The following XIRP2 variants were observed in gnomAD, a reference collection of about 807,000 sequenced individuals.
XIRP2 encodes the protein xin actin-binding repeat-containing protein 2.
XIRP2 carries 236 observed loss-of-function variants against 277.0 expected under a neutral mutation model. The observed-to-expected ratio is 0.85, with a 90% CI of 0.77 to 0.95. XIRP2 has a LOEUF of 0.95. XIRP2 is among the 40% of genes least tolerant of loss of function. The probability of loss-of-function intolerance (pLI) is 0.00; values close to 1 mark genes in which losing one functional copy is unlikely to be tolerated. For synonymous variants in XIRP2, 1,490 were observed against 1,416.5 expected (o/e 1.05, Z -1.17); for missense variants, 4,640 against 4,157.5 (o/e 1.12, Z -3.19).
intron 4 of XIRP2, among the ~76,000 whole-genome samples, chr2:167,216,529 A>G (rs1315584622): frequency 4.4e-4 from 3 of 6,784 alleles, no homozygotes; most frequent in Admixed American, 2.5e-3. Context: ...AATACATGAA[A>G]AAATGCTCAT....
At chr2:167,149,061 A>G (rs1360777359) in intron 3 of XIRP2, among the ~76,000 whole-genome samples, 1 of 152,086 alleles carries the variant, frequency 6.6e-6, no homozygotes, top group African/African-American at 2.4e-5. Flanking sequence ...TACACATAGG[A>G]GTGAAAGGCT....
chr2:167,005,424 A>G (rs1215706775), intron 2 of XIRP2, among the ~76,000 whole-genome samples: 1 of 151,934 alleles, frequency 6.6e-6, no homozygotes, highest in Non-Finnish European at 1.5e-5. Flanking sequence ...ACATGTACAG[A>G]TGAAGAAACT....
At chr2:167,053,415 T>C (rs1225932403) in intron 2 of XIRP2, among the ~76,000 whole-genome samples, 1 of 152,176 alleles carries the variant, frequency 6.6e-6, no homozygotes, top group Non-Finnish European at 1.5e-5. Flanking sequence ...GTTTCTTCCC[T>C]TCTTGATATG....
In XIRP2 at chr2:166,947,266, G is replaced by T. The variant is rs941515003; in HGVS notation, c.408+43376G>T. On this transcript the variant is annotated intron_variant, in intron 2 of 10. Transcript: ENST00000409195. ...CAGGAGTTCAAAACCTGGGATACAT[G>T]GGTAGCATTTTTGAATCTTCCATGG... Among the ~76,000 whole-genome samples the T allele has an allele frequency of 2.6e-4, 39 of 152,110 alleles. 1 individual carries two copies. The highest frequency in any genetic ancestry group is 9.4e-4 in the African/African-American group (39 of 41,430).
chr2:167,163,070 A>C (rs188449050), intron 3 of XIRP2, among the ~76,000 whole-genome samples: 3 of 152,096 alleles, frequency 2.0e-5, no homozygotes, highest in Non-Finnish European at 2.9e-5. Context: ...TGATACATTC[A>C]TTATCTTCTT....
At chr2:166,969,390 A>G (rs1306421031) in intron 2 of XIRP2, among the ~76,000 whole-genome samples, 6 of 152,062 alleles carry the variant, frequency 3.9e-5, no homozygotes, top group Admixed American at 6.6e-5. Context: ...CCAGATTTCC[A>G]TATATGAAAG....
At chr2:167,033,243 G>A (rs762695487) in intron 2 of XIRP2, among the ~76,000 whole-genome samples, 7 of 152,044 alleles carry the variant, frequency 4.6e-5, no homozygotes, top group African/African-American at 7.2e-5. Context: ...TGAACAATGA[G>A]AACACATAGA....
intron 2 of XIRP2, among the ~76,000 whole-genome samples, chr2:167,130,379 C>T (rs1251180105): frequency 1.3e-5 from 2 of 152,170 alleles, no homozygotes; most frequent in East Asian, 3.9e-4. Flanking sequence ...TCTCTGCCTT[C>T]AAGTCCTTCC....
chr2:167,046,212 A>G (rs996067475), intron 2 of XIRP2, among the ~76,000 whole-genome samples: 10 of 152,058 alleles, frequency 6.6e-5, no homozygotes, highest in African/African-American at 2.4e-4. Context: ...TTGATTTTGT[A>G]TCCTGAAAGT....
intron 2 of XIRP2, among the ~76,000 whole-genome samples, chr2:167,134,928 T>G (rs1246367374): frequency 2.0e-5 from 3 of 152,104 alleles, no homozygotes; most frequent in Non-Finnish European, 4.4e-5. Flanking sequence ...GGAGTGATCC[T>G]CAGATCAGCA....
At chr2:166,912,028 T>G (rs1002924929) in intron 2 of XIRP2, among the ~76,000 whole-genome samples, 1 of 152,188 alleles carries the variant, frequency 6.6e-6, no homozygotes, top group East Asian at 1.9e-4. Flanking sequence ...TTTCTTTCTG[T>G]CTGCCCTTAA....
intron 2 of XIRP2, among the ~76,000 whole-genome samples, chr2:167,016,509 CTT>C (rs1345149413): frequency 6.6e-6 from 1 of 151,952 alleles, no homozygotes; most frequent in Non-Finnish European, 1.5e-5. Context: ...CGCTGCATCT[CTT>C]TACAATTCAT....
rs60405920 is a variant in XIRP2, at chr2:167,095,851, C to CTTTTTTTTTT, written c.409-40027_409-40018dup. ...TAAAAATGATTTAGGAGGCGTCACT[C>CTTTTTTTTTT]TTTTTTTTTTTTTTTTTTTTTTTTT... On this transcript the variant is annotated intron_variant, in intron 2 of 10. Transcript: ENST00000409195. Among the ~76,000 whole-genome samples the CTTTTTTTTTT allele has an allele frequency of 2.3e-4, 11 of 47,302 alleles. 2 individuals are homozygous for CTTTTTTTTTT. The highest frequency in any genetic ancestry group is 4.0e-4 in the African/African-American group (7 of 17,446). 31.0% of individuals were successfully genotyped at this position (47,302 alleles called of 152,430 possible). A position where few individuals can be genotyped will look rare whatever the true frequency, so the allele number is the denominator to read the frequency against.
chr2:167,103,100 C>T (rs1277611565), intron 2 of XIRP2, among the ~76,000 whole-genome samples: 1 of 151,850 alleles, frequency 6.6e-6, no homozygotes, highest in Non-Finnish European at 1.5e-5. Context: ...GATCGCGCCA[C>T]TACACTCCAG....
chr2:167,064,965 G>T (rs79783084), intron 2 of XIRP2, among the ~76,000 whole-genome samples: 2,130 of 151,896 alleles, frequency 0.014, 57 homozygotes, highest in African/African-American at 0.049. Flanking sequence ...TATGAATATG[G>T]CTGTACAGAA....
intron 2 of XIRP2, among the ~76,000 whole-genome samples, chr2:166,945,083 A>G (rs1054090879): frequency 4.7e-4 from 71 of 152,268 alleles, no homozygotes; most frequent in South Asian, 1.0e-3. Context: ...AGTCTAGCTC[A>G]GAACCCATCC....
chr2:166,946,268 A>G (rs141950701), intron 2 of XIRP2, among the ~76,000 whole-genome samples: 1 of 152,300 alleles, frequency 6.6e-6, no homozygotes, highest in African/African-American at 2.4e-5. Context: ...GTAAAACCTA[A>G]TGTTGAAAAT....
At chr2:166,891,276 C>A (rs890705220) in intron 1 of XIRP2, among the ~76,000 whole-genome samples, 3 of 152,098 alleles carry the variant, frequency 2.0e-5, no homozygotes, top group African/African-American at 4.8e-5. Context: ...AGCTGGTTCA[C>A]TTAATAAATG....
chr2:167,255,546 G>A (rs1387944025), intron 10 of XIRP2, among the ~76,000 whole-genome samples: 1 of 151,790 alleles, frequency 6.6e-6, no homozygotes, highest in Non-Finnish European at 1.5e-5. Flanking sequence ...CCCATAGCAA[G>A]TATCATCTAT....
Sources: allele counts gnomAD v4.1 joint callset (sites outside exome capture counted in the v4.1 genomes callset), GRCh38; gene constraint gnomAD v4.1.1; transcripts MANE v1.5; gene names NCBI Gene and HGNC (gene_info 2026-07-23, HGNC 2026-07-21).